Variants in SLC25A30 observed in about 807,000 individuals in gnomAD.
The protein encoded by SLC25A30 is solute carrier family 25 member 30.
In SLC25A30, 29 loss-of-function variants were observed where a neutral mutation model predicts 42.7. That is an observed-to-expected ratio of 0.68 (90% CI 0.51 to 0.93). The LOEUF is 0.93. SLC25A30 is among the 40% of genes least tolerant of loss of function. SLC25A30 has a pLI of 0.00. For missense variants in SLC25A30, 300 were observed against 359.7 expected, an observed-to-expected ratio of 0.83 and a Z score of 1.34; for synonymous variants, 124 against 131.0, an observed-to-expected ratio of 0.95 and a Z score of 0.37.
the SLC25A30 span, among the ~76,000 whole-genome samples, chr13:45,423,530 A>G: frequency 2.0e-4 from 20 of 101,100 alleles, 1 homozygote; most frequent in African/African-American, 6.3e-4. Context: ...ATACAAATAT[A>G]TATACAAATA....
rs372600268 is a variant in SLC25A30 at position 45,397,253 on chromosome 13, G to T, written c.834+5C>A. On this transcript the variant is annotated splice_donor_5th_base_variant and intron_variant, in intron 9 of 9. Coordinates refer to ENST00000519676, the MANE Select transcript of SLC25A30 (RefSeq NM_001010875.4). ...TTTCAGATCTATTGCAACAGAAAAG[G>T]ATACAATGATATTCCAAGGACCAAG... 6.3e-7 allele frequency: 1 copy of T among 1,588,818 alleles called. No individual in the cohort carries two copies. The highest frequency in any genetic ancestry group is 1.1e-5 in the South Asian group (1 of 90,254).
the SLC25A30 span, among the ~76,000 whole-genome samples, chr13:45,431,986 A>G: frequency 6.6e-6 from 1 of 151,908 alleles, no homozygotes; most frequent in East Asian, 1.9e-4. Context: ...AATACATCTC[A>G]GGGCCGGGTG....
chr13:45,433,811 C>T, the SLC25A30 span, among the ~76,000 whole-genome samples: 1 of 152,236 alleles, frequency 6.6e-6, no homozygotes, highest in Non-Finnish European at 1.5e-5. Context: ...CCAGTACACA[C>T]ATATACACAC....
At chr13:45,417,869 C>T (rs987201824) in intron 1 of SLC25A30, among the ~76,000 whole-genome samples, 2 of 152,160 alleles carry the variant, frequency 1.3e-5, no homozygotes, top group Non-Finnish European at 2.9e-5. Flanking sequence ...TGTGCCCTCT[C>T]CCACAGTGCG....
chr13:45,424,831 T>A, the SLC25A30 span, among the ~76,000 whole-genome samples: 94 of 53,668 alleles, frequency 1.8e-3, 6 homozygotes, highest in African/African-American at 7.3e-3. Context: ...TATAAAAATA[T>A]ATATATAAAA....
At chr13:45,429,257 C>T in the SLC25A30 span, among the ~76,000 whole-genome samples, 2 of 151,172 alleles carry the variant, frequency 1.3e-5, no homozygotes, top group East Asian at 2.0e-4. Context: ...TTAGTAGAGA[C>T]GGGGTTTCAC....
intron 3 of SLC25A30, 104 bp from the exon 4 acceptor site, chr13:45,406,081 T>G: frequency 1.1e-5 from 11 of 1,003,572 alleles, no homozygotes; most frequent in South Asian, 1.5e-5. Context: ...CTACATTCTC[T>G]AAAACAATTT....
At chr13:45,406,367 C>T (rs538320103) in intron 3 of SLC25A30, among the ~76,000 whole-genome samples, 28 of 152,210 alleles carry the variant, frequency 1.8e-4, no homozygotes, top group Non-Finnish European at 2.9e-4. Context: ...CCACTGCACC[C>T]GGCCTCTAAA....
intron 5 of SLC25A30, chr13:45,402,724 A>G (rs554660968): frequency 1.0e-6 from 1 of 959,674 alleles, no homozygotes; most frequent in East Asian, 1.1e-4. Flanking sequence ...TTAATTTCAA[A>G]GGTTTAATCT....
chr13:45,409,844 A>G (rs1882849979), intron 2 of SLC25A30, among the ~76,000 whole-genome samples: 1 of 152,168 alleles, frequency 6.6e-6, no homozygotes, highest in Admixed American at 6.5e-5. Flanking sequence ...AATGCAGATA[A>G]ATATGTTAAA....
chr13:45,422,365 A>C (rs1273065786), upstream of SLC25A30, among the ~76,000 whole-genome samples: 1 of 152,146 alleles, frequency 6.6e-6, no homozygotes, highest in Admixed American at 6.6e-5. Flanking sequence ...TGACTGAGAC[A>C]TCTGGTCACC....
At chr13:45,426,988 A>G in the SLC25A30 span, among the ~76,000 whole-genome samples, 1 of 152,074 alleles carries the variant, frequency 6.6e-6, no homozygotes, top group Non-Finnish European at 1.5e-5. Flanking sequence ...ATTTAACTCT[A>G]AACCTTCCAG....
chr13:45,399,657 T>C (rs1881726053), intron 7 of SLC25A30, among the ~76,000 whole-genome samples: 1 of 152,154 alleles, frequency 6.6e-6, no homozygotes. Flanking sequence ...CATTCTAGAA[T>C]GTCAAAGGAT....
Position 45,411,351 on chromosome 13 carries a change from C to T in SLC25A30, c.64+11G>A. On this transcript the variant is annotated intron_variant, in intron 2 of 9. Coordinates refer to ENST00000519676, the MANE Select transcript of SLC25A30 (RefSeq NM_001010875.4). ...AGCAGGCTACGTGATCCACCACCCT[C>T]AGGTCCTTACCGCACTCAGCAGTGA... The T allele has an allele frequency of 6.2e-7, 1 of 1,606,962 alleles. No homozygotes were observed. The highest frequency in any genetic ancestry group is 1.1e-5 in the South Asian group (1 of 90,936).
the SLC25A30 span, among the ~76,000 whole-genome samples, chr13:45,426,165 C>T: frequency 9.0e-4 from 137 of 151,850 alleles, 1 homozygote; most frequent in African/African-American, 3.1e-3. Flanking sequence ...CGGCTCACTG[C>T]AACCTCCGCC....
In SLC25A30 at chr13:45,395,966, T is replaced by C. The variant is rs772694238; in HGVS notation, c.*8A>G. On this transcript the variant is annotated 3_prime_UTR_variant, in exon 10 of 10. Transcript: ENST00000519676. ...TTTCAGAAAGATGTCTCATGCAGCC[T>C]TGGCTTGTCACAAATCCAATTTCTT... The C allele has an allele frequency of 5.6e-6, 9 of 1,614,106 alleles. No homozygotes were observed. In the Admixed American group the frequency reaches 1.5e-4, roughly 27 times the overall value.
chr13:45,425,574 GTA>G, the SLC25A30 span, among the ~76,000 whole-genome samples: 22 of 53,712 alleles, frequency 4.1e-4, 3 homozygotes, highest in Admixed American at 3.6e-3. Flanking sequence ...ATATATATAA[GTA>G]TATATATAAA....
chr13:45,413,920 T>TGGTTA (rs1195815472), intron 1 of SLC25A30, among the ~76,000 whole-genome samples: 1 of 152,178 alleles, frequency 6.6e-6, no homozygotes, highest in African/African-American at 2.4e-5. Context: ...AGTTTTCAGT[T>TGGTTA]GGTTAGGTTA....
chr13:45,424,817 A>ACATAT, the SLC25A30 span, among the ~76,000 whole-genome samples: 1 of 60,236 alleles, frequency 1.7e-5, no homozygotes, highest in African/African-American at 6.8e-5. Context: ...AAAAAATATA[A>ACATAT]ATATATAAAA....
Sources: gnomAD v4.1 joint callset for allele counts (sites outside exome capture counted in the v4.1 genomes callset) on GRCh38, gnomAD v4.1.1 for gene constraint, MANE v1.5 for transcripts, NCBI Gene and HGNC (gene_info 2026-07-23, HGNC 2026-07-21) for gene names.